RANBP2: variants seen among roughly 807,000 people sequenced by gnomAD.
RANBP2 encodes the protein RAN binding protein 2.
RANBP2 carries 57 observed loss-of-function variants against 303.6 expected under a neutral mutation model. The observed-to-expected ratio is 0.19, with a 90% CI of 0.15 to 0.23. RANBP2 has a LOEUF of 0.23. Ranked by LOEUF, RANBP2 falls within the 10% of genes least tolerant of loss-of-function variation. RANBP2 has a pLI of 1.00. For synonymous variants in RANBP2, 1,167 were observed against 1,301.5 expected (o/e 0.90, Z 2.23); for missense variants, 3,138 against 3,780.8 (o/e 0.83, Z 4.46).
the RANBP2 span, chr2:108,910,548 G>A: frequency 1.0e-5 from 16 of 1,605,842 alleles, no homozygotes; most frequent in South Asian, 5.5e-5. Context: ...GGGAAATGGG[G>A]AGGTTGGGGA....
chr2:108,781,422 T>C lies in RANBP2; in HGVS notation c.8753T>C (p.Leu2918Pro), dbSNP rs1678250151. ...EDIHFEPIVS[L>P]PEVEVKSGEE... ...ATCCATTTTGAACCAATAGTGTCAC[T>C]ACCAGAGGTAAATGTTAAGGAATTA... Residue 2918 changes from leucine (L) to proline (P), a missense_variant, in exon 26 of 29, where the codon CTA becomes CCA. Around this residue, in one of 20 missense-constraint regions of RANBP2, gnomAD observed 68 missense variants for 117.4 expected, o/e 0.58. Coordinates refer to ENST00000283195, the MANE Select transcript of RANBP2 (RefSeq NM_006267.5). 6.2e-7 allele frequency: 1 copy of C among 1,614,016 alleles called. No individual in the cohort carries two copies. Among genetic ancestry groups the C allele is most frequent in the Non-Finnish European group, 8.5e-7 (1 of 1,179,882 alleles).
the RANBP2 span, among the ~76,000 whole-genome samples, chr2:109,284,684 T>C: frequency 6.6e-6 from 1 of 152,218 alleles, no homozygotes; most frequent in East Asian, 1.9e-4. Flanking sequence ...GTGATTTTTT[T>C]GAGACCCTTC....
chr2:109,476,072 A>G, the RANBP2 span, among the ~76,000 whole-genome samples: 1 of 152,212 alleles, frequency 6.6e-6, no homozygotes, highest in Non-Finnish European at 1.5e-5. Context: ...CGGTATGCTT[A>G]GAAACTTGTA....
At chr2:109,257,826 C>CT in the RANBP2 span, among the ~76,000 whole-genome samples, 1 of 152,066 alleles carries the variant, frequency 6.6e-6, no homozygotes, top group African/African-American at 2.4e-5. Context: ...TAAGTGGAGG[C>CT]TTTTTTGGAA....
chr2:108,994,294 G>A, the RANBP2 span, among the ~76,000 whole-genome samples: 2 of 152,226 alleles, frequency 1.3e-5, no homozygotes, highest in Non-Finnish European at 1.5e-5. Flanking sequence ...GCAAAGGCAT[G>A]CCCTCTCCCG....
the RANBP2 span, among the ~76,000 whole-genome samples, chr2:109,039,487 A>T: frequency 6.6e-6 from 1 of 152,088 alleles, no homozygotes; most frequent in Non-Finnish European, 1.5e-5. Context: ...AGTAGCTGGG[A>T]CTACAGGTGC....
chr2:109,295,278 G>A, the RANBP2 span, among the ~76,000 whole-genome samples: 3 of 152,194 alleles, frequency 2.0e-5, no homozygotes, highest in Non-Finnish European at 4.4e-5. Flanking sequence ...GCTCCAGGAA[G>A]CAGGTGCTCT....
the RANBP2 span, among the ~76,000 whole-genome samples, chr2:109,195,264 A>G: frequency 6.6e-6 from 1 of 152,216 alleles, no homozygotes; most frequent in Non-Finnish European, 1.5e-5. Context: ...CCATGGGAAC[A>G]GGGAGCTAAC....
chr2:108,818,859 C>T, the RANBP2 span, among the ~76,000 whole-genome samples: 1 of 150,428 alleles, frequency 6.6e-6, no homozygotes, highest in Admixed American at 6.6e-5. Context: ...TTATAATTTA[C>T]TTAAGGATGG....
chr2:109,329,895 T>G, the RANBP2 span, among the ~76,000 whole-genome samples: 1 of 152,210 alleles, frequency 6.6e-6, no homozygotes, highest in African/African-American at 2.4e-5. Flanking sequence ...TCCAAAAGTC[T>G]CTCTGCAGAA....
At chr2:108,891,797 TG>T in the RANBP2 span, among the ~76,000 whole-genome samples, 4 of 152,122 alleles carry the variant, frequency 2.6e-5, no homozygotes, top group African/African-American at 7.2e-5. Context: ...GCATTGATGT[TG>T]GTGGTTGCTG....
the RANBP2 span, among the ~76,000 whole-genome samples, chr2:109,469,583 C>T: frequency 6.6e-6 from 1 of 151,862 alleles, no homozygotes; most frequent in East Asian, 1.9e-4. Context: ...TGTGACTTCT[C>T]CTAGGTGGGC....
At chr2:108,917,963 T>C in the RANBP2 span, among the ~76,000 whole-genome samples, 4 of 151,862 alleles carry the variant, frequency 2.6e-5, no homozygotes, top group Non-Finnish European at 5.9e-5. Flanking sequence ...CTACTCTGCA[T>C]TACCCCTAAA....
chr2:109,230,872 G>A, the RANBP2 span, among the ~76,000 whole-genome samples: 4 of 152,186 alleles, frequency 2.6e-5, no homozygotes, highest in African/African-American at 9.7e-5. Flanking sequence ...TGGCCAATAG[G>A]ACTCCCTTTG....
chr2:109,368,221 T>C, the RANBP2 span, among the ~76,000 whole-genome samples: 1 of 152,270 alleles, frequency 6.6e-6, no homozygotes, highest in Admixed American at 6.5e-5. Context: ...TCATGTATCC[T>C]GCAAGTATTT....
chr2:108,878,019 C>T, the RANBP2 span, among the ~76,000 whole-genome samples: 1 of 152,198 alleles, frequency 6.6e-6, no homozygotes, highest in East Asian at 1.9e-4. Context: ...AATGGAATGA[C>T]AGCTTCAGAC....
Position 108,784,921 on chromosome 2 carries a change from C to T in RANBP2, c.*1020C>T, listed in dbSNP as rs146042467. On this transcript the variant is annotated 3_prime_UTR_variant, in exon 29 of 29. Transcript: ENST00000283195. ...CTCCTAGTTTCTCAAGTTTGATACACACCAAAAACGTATTTGGAAATGGCT... is the reference window on the plus strand; with the variant it reads ...CTCCTAGTTTCTCAAGTTTGATACATACCAAAAACGTATTTGGAAATGGCT... 6.6e-5 allele frequency: 10 copies of T among 152,350 alleles called. No homozygotes were observed. The East Asian group carries it at 1.9e-3, about 29-fold the overall frequency. The allele number at this position is 152,350 out of a possible 1,614,324, so 9.4% of individuals were successfully genotyped here.
At chr2:109,501,192 G>A in the RANBP2 span, among the ~76,000 whole-genome samples, 1 of 152,126 alleles carries the variant, frequency 6.6e-6, no homozygotes, top group Non-Finnish European at 1.5e-5. Flanking sequence ...GGTGGGCCAG[G>A]GCAGGAGCGT....
At chr2:109,742,434 A>G in the RANBP2 span, among the ~76,000 whole-genome samples, 1 of 123,596 alleles carries the variant, frequency 8.1e-6, no homozygotes, top group Non-Finnish European at 1.7e-5. Flanking sequence ...AAAAACAAAA[A>G]CAAAAACAAA....
Sources: gnomAD v4.1 joint callset for allele counts (sites outside exome capture counted in the v4.1 genomes callset) on GRCh38, gnomAD v4.1.1 for gene constraint, gnomAD v4.1.1 regional missense constraint, MANE v1.5 for transcripts, NCBI Gene and HGNC (gene_info 2026-07-23, HGNC 2026-07-21) for gene names.